ACKR2: variants seen among roughly 807,000 people sequenced by gnomAD.
The protein encoded by ACKR2 is atypical chemokine receptor 2.
For missense variants in ACKR2, 457 were observed against 477.3 expected (o/e 0.96, Z 0.40); for synonymous variants, 207 against 192.2 (o/e 1.08, Z -0.64).
chr3:42,821,151 T>C (rs973475143), intron 2 of ACKR2, among the ~76,000 whole-genome samples: 1 of 152,172 alleles, frequency 6.6e-6, no homozygotes, highest in Non-Finnish European at 1.5e-5. Context: ...CCCAAAGTGC[T>C]GGTGCTAAGA....
intron 1 of ACKR2, among the ~76,000 whole-genome samples, chr3:42,813,829 G>A (rs528392030): frequency 6.6e-6 from 1 of 152,300 alleles, no homozygotes; most frequent in Admixed American, 6.5e-5. Context: ...TGTTTTTCAA[G>A]CTCTGTTGAG....
rs57205235 is a variant in ACKR2 at position 42,827,353 on chromosome 3, T to A, written c.-38+7642T>A. On this transcript the variant is annotated intron_variant, in intron 2 of 2. Coordinates refer to ENST00000422265, the MANE Select transcript of ACKR2 (RefSeq NM_001296.5). ...TAAAATGTAGTTTCTTCATTTGAAT[T>A]TCTATAATTCTGCCAACACCTATAA... Among the ~76,000 whole-genome samples, 1,298 of 152,354 alleles carry A rather than the reference T, an allele frequency of 8.5e-3. 24 individuals carry two copies. The highest frequency in any genetic ancestry group is 0.063 in the East Asian group (328 of 5,188).
intron 2 of ACKR2, among the ~76,000 whole-genome samples, chr3:42,833,037 T>C (rs1700947035): frequency 6.6e-6 from 1 of 152,206 alleles, no homozygotes; most frequent in Non-Finnish European, 1.5e-5. Flanking sequence ...CTAATTTTTG[T>C]GTTTTTTGTA....
At chr3:42,837,470 T>A (rs972822043) in intron 2 of ACKR2, among the ~76,000 whole-genome samples, 4 of 152,114 alleles carry the variant, frequency 2.6e-5, no homozygotes, top group African/African-American at 9.7e-5. Context: ...AGTCCTCTCT[T>A]CTCAGCCTCC....
chr3:42,849,497 C>G (rs1575387942), intron 2 of ACKR2, among the ~76,000 whole-genome samples: 3 of 150,320 alleles, frequency 2.0e-5, no homozygotes, highest in African/African-American at 7.3e-5. Context: ...GAGTGAGACT[C>G]TGTCAAAAAA....
At chr3:42,861,509 T>C (rs1054380415) in intron 2 of ACKR2, among the ~76,000 whole-genome samples, 1 of 152,224 alleles carries the variant, frequency 6.6e-6, no homozygotes, top group African/African-American at 2.4e-5. Context: ...CTTTAACTCA[T>C]TTTATGAGGC....
rs866647537 is a variant in ACKR2 at position 42,865,018 on chromosome 3, C to T, written c.516C>T (p.Ser172=). 2 of 1,614,154 alleles carry T rather than the reference C, an allele frequency of 1.2e-6. No homozygotes were observed. The highest frequency in any genetic ancestry group is 1.7e-6 in the Non-Finnish European group (2 of 1,180,040). The change falls in exon 3 of 3, where the codon TCC becomes TCT. Residue 172 remains serine, a synonymous_variant. Transcript: ENST00000422265. ...TTGCTACCATAGTATGGGCTGTGTC[C>T]CTGGCCGTCTCCATCCCTGATATGG... ...LLLATIVWAV[S]LAVSIPDMVF...
chr3:42,864,282 G>A (rs1473959317), intron 2 of ACKR2, among the ~76,000 whole-genome samples, 184 bp from the exon 3 acceptor site: 3 of 152,216 alleles, frequency 2.0e-5, no homozygotes, highest in Non-Finnish European at 4.4e-5. Flanking sequence ...ACAAAGGTGA[G>A]GGGATATCTT....
In ACKR2 at chr3:42,865,145, A is replaced by T. The variant is rs1484635648; in HGVS notation, c.643A>T (p.Asn215Tyr). 7 of 1,613,682 alleles carry T rather than the reference A, an allele frequency of 4.3e-6. No homozygotes were observed. In the African/African-American group the frequency reaches 6.7e-5, roughly 15 times the overall value. ...GAAGCTCTTCCTCCGCTTCCAGCAG[A>T]ACCTCCTAGGGTTTCTCCTTCCACT... ...IWKLFLRFQQNLLGFLLPLLA... is the reference protein window; with the variant it reads ...IWKLFLRFQQYLLGFLLPLLA... The change falls in exon 3 of 3, where the codon AAC becomes TAC. Residue 215 changes from asparagine (N) to tyrosine (Y), a missense_variant. Transcript: ENST00000422265.
chr3:42,826,113 C>T (rs567407110), intron 2 of ACKR2, among the ~76,000 whole-genome samples: 1 of 151,692 alleles, frequency 6.6e-6, no homozygotes, highest in Non-Finnish European at 1.5e-5. Context: ...GTGTATAACC[C>T]GTTATATCTG....
At chr3:42,829,496 T>C (rs1700907016) in intron 2 of ACKR2, among the ~76,000 whole-genome samples, 2 of 152,208 alleles carry the variant, frequency 1.3e-5, no homozygotes, top group Non-Finnish European at 2.9e-5. Flanking sequence ...CTAATGTTCC[T>C]ACCAGGAGAT....
In ACKR2 at chr3:42,865,013, G is replaced by C; in HGVS notation, c.511G>C (p.Val171Leu). 1 of 1,614,194 alleles carries C rather than the reference G, an allele frequency of 6.2e-7. No homozygotes were observed. ...GCTCCTTGCTACCATAGTATGGGCT[G>C]TGTCCCTGGCCGTCTCCATCCCTGA... Reference protein sequence around the residue: ...SLLLATIVWAVSLAVSIPDMV... With the variant: ...SLLLATIVWALSLAVSIPDMV... Residue 171 changes from valine to leucine, a missense_variant, in exon 3 of 3, where the codon GTG becomes CTG. By Grantham distance (32) the Val-to-Leu change is conservative. Coordinates refer to ENST00000422265, the MANE Select transcript of ACKR2 (RefSeq NM_001296.5).
chr3:42,824,215 T>C (rs546747366), intron 2 of ACKR2, among the ~76,000 whole-genome samples: 3 of 152,298 alleles, frequency 2.0e-5, no homozygotes, highest in South Asian at 4.1e-4. Flanking sequence ...ATACCTAATA[T>C]AATGTAAATG....
At chr3:42,810,531 A>G (rs1046038221) in intron 1 of ACKR2, among the ~76,000 whole-genome samples, 2 of 151,822 alleles carry the variant, frequency 1.3e-5, no homozygotes, top group South Asian at 4.2e-4. Flanking sequence ...TAAAAAAAAG[A>G]CTAACTTTCT....
intron 2 of ACKR2, among the ~76,000 whole-genome samples, chr3:42,858,609 C>G (rs979637203): frequency 6.9e-6 from 1 of 144,936 alleles, no homozygotes; most frequent in African/African-American, 2.5e-5. Flanking sequence ...AACCAGAACA[C>G]CTCTTCTCCT....
chr3:42,824,665 C>T (rs989532540), intron 2 of ACKR2, among the ~76,000 whole-genome samples: 3 of 152,120 alleles, frequency 2.0e-5, no homozygotes, highest in South Asian at 2.1e-4. Flanking sequence ...TAGCATGTAT[C>T]GATACTTTAT....
Position 42,866,020 on chromosome 3 carries a change from AGG to A in ACKR2, c.*364_*365del. ...GTCTTGCTCTATTGCTCTGTCACCC[AGG>A]CTGGAATGCAGTGGCGAGATCTCCG... On this transcript the variant is annotated 3_prime_UTR_variant, in exon 3 of 3. Coordinates refer to ENST00000422265, the MANE Select transcript of ACKR2 (RefSeq NM_001296.5). 4.7e-6 allele frequency: 1 copy of A among 213,718 alleles called. No individual in the cohort carries two copies. The highest frequency in any genetic ancestry group is 9.2e-6 in the Non-Finnish European group (1 of 109,270). 13.2% of individuals were successfully genotyped at this position (213,718 alleles called of 1,614,324 possible).
intron 2 of ACKR2, among the ~76,000 whole-genome samples, chr3:42,848,213 ATTTTTTTT>A (rs36054454): frequency 2.7e-5 from 2 of 74,910 alleles, no homozygotes; most frequent in African/African-American, 9.2e-5. Context: ...AAAAAAAAAA[ATTTTTTTT>A]TTTTTTTTTT....
At chr3:42,831,622 G>A (rs545730602) in intron 2 of ACKR2, among the ~76,000 whole-genome samples, 1 of 152,324 alleles carries the variant, frequency 6.6e-6, no homozygotes, top group Non-Finnish European at 1.5e-5. Context: ...TCCAGTAGCT[G>A]CAATCGCACC....
Sources: gnomAD v4.1 joint callset for allele counts (sites outside exome capture counted in the v4.1 genomes callset) on GRCh38, gnomAD v4.1.1 for gene constraint, MANE v1.5 for transcripts, NCBI Gene and HGNC (gene_info 2026-07-23, HGNC 2026-07-21) for gene names.